ENTREP2: variants seen among roughly 807,000 people sequenced by gnomAD.
ENTREP2 encodes endosomal transmembrane epsin interactor 2, also known as protein ENTREP2.
At chr15:29,592,151 C>T in the ENTREP2 span, among the ~76,000 whole-genome samples, 1 of 152,150 alleles carries the variant, frequency 6.6e-6, no homozygotes, top group Admixed American at 6.5e-5. Context: ...GATACACCAT[C>T]CTTGCTCTCT....
chr15:29,411,116 A>C, the ENTREP2 span, among the ~76,000 whole-genome samples: 1 of 152,176 alleles, frequency 6.6e-6, no homozygotes, highest in Non-Finnish European at 1.5e-5. Flanking sequence ...TCTTCTGCTG[A>C]TGAACATCTG....
chr15:29,360,057 C>T, the ENTREP2 span, among the ~76,000 whole-genome samples: 1 of 152,130 alleles, frequency 6.6e-6, no homozygotes, highest in African/African-American at 2.4e-5. Context: ...AGAGAGAGTT[C>T]CTCAGAATTG....
the ENTREP2 span, among the ~76,000 whole-genome samples, chr15:29,390,736 C>A: frequency 3.3e-5 from 5 of 152,208 alleles, no homozygotes; most frequent in Admixed American, 6.5e-5. Context: ...TCCTCTAACA[C>A]TGAAAAGTTC....
At chr15:29,359,171 C>G in the ENTREP2 span, among the ~76,000 whole-genome samples, 9 of 152,240 alleles carry the variant, frequency 5.9e-5, no homozygotes, top group South Asian at 1.9e-3. Context: ...TAGGAAAAAG[C>G]TGTTATGGAA....
At chr15:29,141,996 G>A in the ENTREP2 span, among the ~76,000 whole-genome samples, 44 of 152,194 alleles carry the variant, frequency 2.9e-4, no homozygotes, top group Non-Finnish European at 4.9e-4. Context: ...AGGAAGAGCT[G>A]CTCGTTCTGT....
the ENTREP2 span, chr15:29,234,595 A>G: frequency 1.3e-6 from 2 of 1,511,776 alleles, no homozygotes; most frequent in Non-Finnish European, 1.8e-6. Context: ...CATCTTCACA[A>G]TCTTCTTTTG....
chr15:29,432,052 G>A, the ENTREP2 span, among the ~76,000 whole-genome samples: 1 of 152,128 alleles, frequency 6.6e-6, no homozygotes, highest in Non-Finnish European at 1.5e-5. Context: ...GGCTGTAATA[G>A]GCCATATCAC....
At chr15:29,540,400 A>AAAAG in the ENTREP2 span, among the ~76,000 whole-genome samples, 3 of 152,374 alleles carry the variant, frequency 2.0e-5, no homozygotes, top group South Asian at 2.1e-4. Context: ...TAATGTATCA[A>AAAAG]AAAGAAAGAA....
At chr15:29,251,006 A>C in the ENTREP2 span, among the ~76,000 whole-genome samples, 1 of 152,242 alleles carries the variant, frequency 6.6e-6, no homozygotes, top group African/African-American at 2.4e-5. Context: ...TGCCAGCGAC[A>C]CTGGTCCTGC....
chr15:29,672,355 G>A, the ENTREP2 span, among the ~76,000 whole-genome samples: 1 of 152,116 alleles, frequency 6.6e-6, no homozygotes, highest in Non-Finnish European at 1.5e-5. Context: ...TATTTTTAAG[G>A]TCTTCTTTTC....
the ENTREP2 span, among the ~76,000 whole-genome samples, chr15:29,118,560 G>A: frequency 6.6e-6 from 1 of 152,228 alleles, no homozygotes; most frequent in Admixed American, 6.5e-5. Context: ...CCAGGTCACG[G>A]GGTCAGCGCC....
At chr15:29,193,649 C>T in the ENTREP2 span, among the ~76,000 whole-genome samples, 2 of 152,150 alleles carry the variant, frequency 1.3e-5, no homozygotes, top group Admixed American at 1.3e-4. Context: ...CAATAAATTC[C>T]CTCTCACCTA....
the ENTREP2 span, among the ~76,000 whole-genome samples, chr15:29,422,371 AC>A: frequency 4.6e-5 from 7 of 152,316 alleles, no homozygotes; most frequent in Admixed American, 6.5e-5. Flanking sequence ...GACCCCACAT[AC>A]CATTATCTGC....
the ENTREP2 span, among the ~76,000 whole-genome samples, chr15:29,422,506 AG>A: frequency 6.6e-6 from 1 of 152,178 alleles, no homozygotes; most frequent in South Asian, 2.1e-4. Flanking sequence ...AGGAGTTTGT[AG>A]GGGGAAAGTC....
the ENTREP2 span, chr15:29,120,538 A>T: frequency 6.6e-6 from 1 of 152,198 alleles, no homozygotes; most frequent in East Asian, 1.9e-4. Flanking sequence ...CCCTTCTGCG[A>T]TCTTGCTTGC....
the ENTREP2 span, among the ~76,000 whole-genome samples, chr15:29,221,285 T>C: frequency 6.6e-6 from 1 of 151,776 alleles, no homozygotes; most frequent in Admixed American, 6.6e-5. Flanking sequence ...CACTGCAACC[T>C]CTGCCTCCTG....
chr15:29,217,139 C>A, the ENTREP2 span, among the ~76,000 whole-genome samples: 2 of 152,134 alleles, frequency 1.3e-5, no homozygotes, highest in African/African-American at 4.8e-5. Context: ...AGGCCCGGGG[C>A]TTGGGGCGTT....
At chr15:29,536,347 A>G in the ENTREP2 span, among the ~76,000 whole-genome samples, 27 of 152,216 alleles carry the variant, frequency 1.8e-4, 1 homozygote, top group East Asian at 1.4e-3. Flanking sequence ...GCAGAGCAGA[A>G]AGATGGAAAA....
At chr15:29,315,578 T>C in the ENTREP2 span, among the ~76,000 whole-genome samples, 1 of 152,152 alleles carries the variant, frequency 6.6e-6, no homozygotes, top group South Asian at 2.1e-4. Flanking sequence ...CCAAATAGAT[T>C]AGAAACTTAA....
Sources: gnomAD v4.1 joint callset for allele counts (sites outside exome capture counted in the v4.1 genomes callset) on GRCh38, gnomAD v4.1.1 for gene constraint, MANE v1.5 for transcripts, NCBI Gene and HGNC (gene_info 2026-07-23, HGNC 2026-07-21) for gene names.